UHRF1: variants seen among roughly 807,000 people sequenced by gnomAD.
The protein encoded by UHRF1 is E3 ubiquitin-protein ligase UHRF1.
Under a neutral mutation model 96.5 loss-of-function variants are expected in UHRF1, and 9 were observed. The ratio of observed to expected loss-of-function variants is 0.09; its 90% confidence interval spans 0.06 to 0.16. UHRF1 has a LOEUF of 0.16. Ranked by LOEUF, UHRF1 falls within the 10% of genes least tolerant of loss-of-function variation. The probability of loss-of-function intolerance (pLI) is 1.00; values close to 1 mark genes in which losing one functional copy is unlikely to be tolerated. For missense variants in UHRF1, 626 were observed against 1,131.1 expected (o/e 0.55, Z 6.40); for synonymous variants, 455 against 469.9 (o/e 0.97, Z 0.41).
chr19:4,916,772 G>A (rs780487472), intron 2 of UHRF1, among the ~76,000 whole-genome samples: 3 of 152,198 alleles, frequency 2.0e-5, no homozygotes, highest in Admixed American at 6.5e-5. Flanking sequence ...GCGCTGAGAC[G>A]GGCCAGCAGG....
Position 4,944,548 on chromosome 19 carries a change from G to T in UHRF1, c.1305+98G>T, listed in dbSNP as rs2033507142. ...CTTTGGCCAGCCAGGGGTCAGGGTG[G>T]TTACCAGTGGTGCCTCGGCTAGCCG... On this transcript the variant is annotated intron_variant, in intron 9 of 16. Coordinates refer to ENST00000650932, the MANE Select transcript of UHRF1 (RefSeq NM_001048201.3). 3.1e-6 allele frequency: 4 copies of T among 1,304,134 alleles called. No homozygotes were observed. The South Asian group carries it at 4.9e-5, about 16-fold the overall frequency. 80.8% of individuals were successfully genotyped at this position (1,304,134 alleles called of 1,614,324 possible). A position where few individuals can be genotyped will look rare whatever the true frequency, so the allele number is the denominator to read the frequency against.
At chr19:4,955,128 C>T (rs969511324) in intron 15 of UHRF1, among the ~76,000 whole-genome samples, 2 of 152,128 alleles carry the variant, frequency 1.3e-5, no homozygotes, top group Non-Finnish European at 2.9e-5. Flanking sequence ...GCCATCCTAC[C>T]TTCTGTCTCT....
chr19:4,953,180 G>A (rs570945627), intron 13 of UHRF1, among the ~76,000 whole-genome samples: 3 of 152,290 alleles, frequency 2.0e-5, no homozygotes, highest in South Asian at 2.1e-4. Flanking sequence ...GAAGCTTTGC[G>A]ATTAGACAGG....
intron 5 of UHRF1, 101 bp downstream of exon 5, chr19:4,933,057 G>C: frequency 7.7e-7 from 1 of 1,305,108 alleles, no homozygotes; most frequent in Non-Finnish European, 1.0e-6. Context: ...CTGTGTGTGC[G>C]AGGCCCTTAG....
At position 4,943,839 on chromosome 19, in the gene UHRF1, T is replaced by C. The variant is rs537059094; in HGVS notation, c.1074-293T>C. Among the ~76,000 whole-genome samples the C allele has an allele frequency of 5.3e-5, 8 of 152,220 alleles. No individual in the cohort carries two copies. In the East Asian group the frequency reaches 7.7e-4, roughly 15 times the overall value. ...CTAATTTTTGTATTTTTAGTAGAGA[T>C]GGGGTTTCACCGTGTTGGCCAGGCT... On this transcript the variant is annotated intron_variant, in intron 7 of 16. Transcript: ENST00000650932.
At position 4,941,588 on chromosome 19, in the gene UHRF1, G is replaced by T. The variant is rs1568423906; in HGVS notation, c.846G>T (p.Arg282=). ...IFVDEVFKIE[R]PGEGSPMVDN... Reference sequence around the variant, plus strand: ...TGGACGAAGTCTTCAAGATTGAGCGGCCGGGTGAAGGGAGCCCCATGGTTG... The same window carrying T: ...TGGACGAAGTCTTCAAGATTGAGCGTCCGGGTGAAGGGAGCCCCATGGTTG... The change falls in exon 6 of 17, where the codon CGG becomes CGT. Residue 282 remains arginine, a synonymous_variant. Transcript: ENST00000650932. 1 of 1,613,764 alleles carries T rather than the reference G, an allele frequency of 6.2e-7. No homozygotes were observed. The highest frequency in any genetic ancestry group is 2.2e-5 in the East Asian group (1 of 44,862).
intron 1 of UHRF1, chr19:4,910,672 T>G: frequency 2.3e-6 from 1 of 442,548 alleles, no homozygotes; most frequent in Non-Finnish European, 4.0e-6. Context: ...TCTTCAACAC[T>G]TGGCTAGTCG....
upstream of UHRF1, among the ~76,000 whole-genome samples, chr19:4,908,395 C>G (rs965345236): frequency 7.9e-5 from 12 of 152,208 alleles, 1 homozygote; most frequent in Admixed American, 7.2e-4. Flanking sequence ...GCTCACAGCT[C>G]TCAAGGGAAA....
At chr19:4,909,468 T>C (rs1599231379), upstream of UHRF1, 1 of 651,444 alleles carries the variant, frequency 1.5e-6, no homozygotes, top group Non-Finnish European at 2.8e-6. Context: ...GCCCCGCAAC[T>C]CCCAAATGCC....
At chr19:4,953,023 T>C (rs946171645) in intron 13 of UHRF1, among the ~76,000 whole-genome samples, 1 of 152,254 alleles carries the variant, frequency 6.6e-6, no homozygotes, top group East Asian at 1.9e-4. Flanking sequence ...CCTGCCCTCA[T>C]GGAAATCGTA....
At chr19:4,933,758 C>T (rs570634140) in intron 5 of UHRF1, among the ~76,000 whole-genome samples, 9 of 152,262 alleles carry the variant, frequency 5.9e-5, no homozygotes, top group East Asian at 1.9e-4. Context: ...TGCTGTGGTC[C>T]GCTGCCGGCT....
At chr19:4,908,270 C>T (rs1201453312), upstream of UHRF1, among the ~76,000 whole-genome samples, 13 of 152,122 alleles carry the variant, frequency 8.5e-5, no homozygotes, top group Admixed American at 8.5e-4. Context: ...CTTCGGGGGC[C>T]ATGATCTGTC....
At chr19:4,953,689 C>G (rs1389856532) in intron 13 of UHRF1, among the ~76,000 whole-genome samples, 1 of 152,158 alleles carries the variant, frequency 6.6e-6, no homozygotes, top group Non-Finnish European at 1.5e-5. Flanking sequence ...TGGTCTCAAA[C>G]TCCTGGGCTC....
intron 5 of UHRF1, among the ~76,000 whole-genome samples, chr19:4,936,974 C>T (rs1259183334): frequency 1.3e-5 from 2 of 152,116 alleles, no homozygotes; most frequent in Admixed American, 6.6e-5. Context: ...TTCTCGTTAC[C>T]CCTTTTATAG....
chr19:4,923,125 C>G (rs2032754951), intron 2 of UHRF1, among the ~76,000 whole-genome samples: 2 of 152,208 alleles, frequency 1.3e-5, no homozygotes, highest in African/African-American at 2.4e-5. Context: ...CCCTTGCCCC[C>G]CTGCCTACCC....
chr19:4,950,178 C>G (rs1325159629), intron 11 of UHRF1, among the ~76,000 whole-genome samples: 1 of 151,562 alleles, frequency 6.6e-6, no homozygotes, highest in South Asian at 2.1e-4. Flanking sequence ...GCAACCCTGT[C>G]TCAAATAAAT....
intron 16 of UHRF1, among the ~76,000 whole-genome samples, chr19:4,959,088 C>G (rs1183752603): frequency 6.6e-6 from 1 of 150,838 alleles, no homozygotes; most frequent in Non-Finnish European, 1.5e-5. Context: ...CTAAAGAGAT[C>G]CTCCTGCCTT....
intron 16 of UHRF1, 96 bp from the exon 17 acceptor site, chr19:4,960,561 A>T: frequency 6.6e-7 from 1 of 1,507,112 alleles, no homozygotes; most frequent in East Asian, 2.4e-5. Flanking sequence ...GGGCCTCTGG[A>T]CCTGGTGAGA....
At chr19:4,933,003 C>T (rs765776934) in intron 5 of UHRF1, 47 bp downstream of exon 5, 3 of 1,532,144 alleles carry the variant, frequency 2.0e-6, no homozygotes, top group East Asian at 2.4e-5. Context: ...CCTTTCCTCC[C>T]CTCCCGGGGC....
Sources: allele counts gnomAD v4.1 joint callset (sites outside exome capture counted in the v4.1 genomes callset), GRCh38; gene constraint gnomAD v4.1.1; transcripts MANE v1.5; gene names NCBI Gene and HGNC (gene_info 2026-07-23, HGNC 2026-07-21).